The following NINL variants were observed in gnomAD, a reference collection of about 807,000 sequenced individuals.
NINL encodes ninein-like protein.
Under a neutral mutation model 160.3 loss-of-function variants are expected in NINL, and 153 were observed. The observed-to-expected ratio is 0.95, with a 90% CI of 0.84 to 1.09. NINL has a LOEUF of 1.09. Among genes scored for constraint, NINL ranks in the 50% least tolerant of loss-of-function variants. The probability of loss-of-function intolerance (pLI) is 0.00; values close to 1 mark genes in which losing one functional copy is unlikely to be tolerated. For synonymous variants in NINL, 800 were observed against 734.8 expected (o/e 1.09, Z -1.43); for missense variants, 1,829 against 1,764.0 (o/e 1.04, Z -0.66).
chr20:25,478,540 A>G (rs2063316947), intron 16 of NINL, among the ~76,000 whole-genome samples: 1 of 152,184 alleles, frequency 6.6e-6, no homozygotes, highest in African/African-American at 2.4e-5. Context: ...CACTAACCCC[A>G]GCTGGCCATC....
At position 25,472,305 on chromosome 20, in the gene NINL, G is replaced by T. The variant is rs529658068; in HGVS notation, c.3249-2210C>A. Among the ~76,000 whole-genome samples the T allele has an allele frequency of 2.5e-5, 3 of 119,946 alleles. No homozygotes were observed. The East Asian group carries it at 6.6e-4, about 26-fold the overall frequency. 78.7% of individuals were successfully genotyped at this position (119,946 alleles called of 152,430 possible). On this transcript the variant is annotated intron_variant, in intron 17 of 23. Transcript: ENST00000278886. ...TCTAACAGTCACATATCTAATTGAAGAAAATAGTGGGAGGAGAGGATATAT... is the reference window on the plus strand; with the variant it reads ...TCTAACAGTCACATATCTAATTGAATAAAATAGTGGGAGGAGAGGATATAT...
intron 18 of NINL, among the ~76,000 whole-genome samples, chr20:25,469,510 C>G (rs1319605997): frequency 6.6e-6 from 1 of 151,684 alleles, no homozygotes; most frequent in East Asian, 1.9e-4. Context: ...GTTCCTGACC[C>G]TCCCCACGCC....
chr20:25,530,531 T>C (rs2064438652), intron 1 of NINL, among the ~76,000 whole-genome samples: 1 of 152,064 alleles, frequency 6.6e-6, no homozygotes, highest in South Asian at 2.1e-4. Context: ...TTCAGCCAGA[T>C]ATTGGGCAAA....
intron 5 of NINL, among the ~76,000 whole-genome samples, chr20:25,507,598 G>C (rs896963509): frequency 1.6e-4 from 25 of 152,154 alleles, no homozygotes; most frequent in Non-Finnish European, 3.4e-4. Flanking sequence ...CTTTAGTGTT[G>C]CAGTTCTGCT....
At chr20:25,480,418 C>T (rs778953741) in intron 14 of NINL, 151 bp from the exon 15 acceptor site, 23 of 648,282 alleles carry the variant, frequency 3.5e-5, no homozygotes, top group African/African-American at 5.4e-5. Context: ...AGTCAGCACT[C>T]GTCAGTACAT....
rs1427879621 is a variant in NINL, at chr20:25,517,104, C to T, written c.277+649G>A. On this transcript the variant is annotated intron_variant, in intron 3 of 23. Transcript: ENST00000278886. ...AGAAAACCTCTGTGTGAGCCTGGTC[C>T]CTTCCGCTTTCCCGTCCTCTGTCCC... 2.6e-5 allele frequency among the ~76,000 whole-genome samples: 4 copies of T among 152,068 alleles called. No individual in the cohort carries two copies. In the East Asian group the frequency reaches 7.7e-4, roughly 29 times the overall value.
intron 15 of NINL, among the ~76,000 whole-genome samples, chr20:25,479,538 G>A (rs762696515): frequency 1.3e-5 from 2 of 152,190 alleles, no homozygotes; most frequent in Admixed American, 6.5e-5. Flanking sequence ...TCTGAACAGC[G>A]TGGAGGCCCT....
chr20:25,531,975 C>T (rs901566351), intron 1 of NINL, among the ~76,000 whole-genome samples: 1 of 152,190 alleles, frequency 6.6e-6, no homozygotes, highest in African/African-American at 2.4e-5. Flanking sequence ...TCAGGGGCAT[C>T]TTTCCCTTTC....
chr20:25,465,868 A>T (rs1384266018), intron 19 of NINL, among the ~76,000 whole-genome samples: 2 of 152,158 alleles, frequency 1.3e-5, no homozygotes, highest in Non-Finnish European at 2.9e-5. Context: ...AAAAATGAGA[A>T]TATGGTCTGA....
intron 4 of NINL, 95 bp downstream of exon 4, chr20:25,512,739 C>G (rs183889668): frequency 9.9e-5 from 143 of 1,448,326 alleles, no homozygotes; most frequent in Middle Eastern, 7.7e-4. Flanking sequence ...CTGCCCTCCC[C>G]ATATCTTGTG....
rs187886514 is a variant in NINL at position 25,516,198 on chromosome 20, G to A, written c.277+1555C>T. Reference sequence around the variant, plus strand: ...CATGATTGTTCCTGAGGCCTCCCCAGCCATGGTTTCTGTACAGCCTGCAGA... The same window carrying A: ...CATGATTGTTCCTGAGGCCTCCCCAACCATGGTTTCTGTACAGCCTGCAGA... On this transcript the variant is annotated intron_variant, in intron 3 of 23. Coordinates refer to ENST00000278886, the MANE Select transcript of NINL (RefSeq NM_025176.6). Among the ~76,000 whole-genome samples the A allele has an allele frequency of 5.9e-5, 9 of 152,210 alleles. No individual in the cohort carries two copies. The East Asian group carries it at 1.7e-3, about 29-fold the overall frequency.
intron 1 of NINL, among the ~76,000 whole-genome samples, chr20:25,584,736 G>GTTCTCACT (rs1410236959): frequency 6.6e-6 from 1 of 152,112 alleles, no homozygotes; most frequent in Non-Finnish European, 1.5e-5. Flanking sequence ...CCTTCCTCAC[G>GTTCTCACT]TGAGTCCTGT....
Position 25,469,702 on chromosome 20 carries a change from G to A in NINL, c.3353+289C>T, listed in dbSNP as rs1376385434. On this transcript the variant is annotated intron_variant, in intron 18 of 23. Coordinates refer to ENST00000278886, the MANE Select transcript of NINL (RefSeq NM_025176.6). ...GCATCATCTCTGTGGGGTGAACGGC[G>A]CCTGTGCTAGGGCTCTGCTCGCAGT... Among the ~76,000 whole-genome samples, 8 of 152,244 alleles carry A rather than the reference G, an allele frequency of 5.3e-5. No individual in the cohort carries two copies. The South Asian group carries it at 6.2e-4, about 12-fold the overall frequency.
intron 1 of NINL, among the ~76,000 whole-genome samples, chr20:25,558,335 G>C (rs898045885): frequency 6.6e-6 from 1 of 152,038 alleles, no homozygotes; most frequent in Non-Finnish European, 1.5e-5. Context: ...AGCCTCCCAA[G>C]TAGCTGGGAG....
chr20:25,556,009 G>A (rs1006596870), intron 1 of NINL, among the ~76,000 whole-genome samples: 4 of 150,820 alleles, frequency 2.7e-5, no homozygotes, highest in South Asian at 4.3e-4. Context: ...GGCCGGACAC[G>A]GTGCCTCATG....
chr20:25,463,726 C>T (rs141753684), intron 19 of NINL, among the ~76,000 whole-genome samples: 16 of 152,338 alleles, frequency 1.1e-4, no homozygotes, highest in African/African-American at 3.6e-4. Flanking sequence ...CCCAGAGTGA[C>T]GCCCACAACC....
intron 21 of NINL, among the ~76,000 whole-genome samples, chr20:25,461,233 C>G (rs1483506537): frequency 6.6e-6 from 1 of 152,242 alleles, no homozygotes; most frequent in Non-Finnish European, 1.5e-5. Flanking sequence ...AGTCCCCAGG[C>G]TTGCCTCTGG....
At chr20:25,584,847 T>C (rs2065210335) in intron 1 of NINL, among the ~76,000 whole-genome samples, 1 of 152,194 alleles carries the variant, frequency 6.6e-6, no homozygotes, top group African/African-American at 2.4e-5. Context: ...TCCCACATGG[T>C]GTGTGTGACT....
Position 25,468,800 on chromosome 20 carries a change from C to G in NINL, c.3353+1191G>C, listed in dbSNP as rs1299492460. ...GCCCGCTTGCCCTGTCCCCCTGACT[C>G]TCACTGGTGGGCACCCCCCTACCCT... On this transcript the variant is annotated intron_variant, in intron 18 of 23. Coordinates refer to ENST00000278886, the MANE Select transcript of NINL (RefSeq NM_025176.6). Among the ~76,000 whole-genome samples the G allele has an allele frequency of 9.9e-3, 1,213 of 122,608 alleles. 57 individuals carry two copies. The highest frequency in any genetic ancestry group is 0.038 in the African/African-American group (1,144 of 30,334). The allele number at this position is 122,608 out of a possible 152,430, so 80.4% of individuals were successfully genotyped here. A position where few individuals can be genotyped will look rare whatever the true frequency, so the allele number is the denominator to read the frequency against.
Sources: allele counts gnomAD v4.1 joint callset (sites outside exome capture counted in the v4.1 genomes callset), GRCh38; gene constraint gnomAD v4.1.1; transcripts MANE v1.5; gene names NCBI Gene and HGNC (gene_info 2026-07-23, HGNC 2026-07-21).